Variants in SUSD1 observed in about 807,000 individuals in gnomAD.
The protein encoded by SUSD1 is sushi domain-containing protein 1.
A neutral mutation model predicts 86.9 loss-of-function variants in SUSD1; 65 were observed. The observed-to-expected ratio is 0.75, with a 90% CI of 0.61 to 0.92. The LOEUF (loss-of-function observed/expected upper bound fraction) is 0.92, where lower values mean the gene tolerates loss of function less well. Ranked by LOEUF, SUSD1 falls within the 40% of genes least tolerant of loss-of-function variation. The pLI, the probability that SUSD1 is intolerant of heterozygous loss-of-function variation, is 0.00. For missense variants in SUSD1, 850 were observed against 929.7 expected, an observed-to-expected ratio of 0.91 and a Z score of 1.11; for synonymous variants, 346 against 350.0, an observed-to-expected ratio of 0.99 and a Z score of 0.13.
chr9:112,137,505 T>C (rs1289320093), intron 5 of SUSD1, among the ~76,000 whole-genome samples: 1 of 152,210 alleles, frequency 6.6e-6, no homozygotes, highest in African/African-American at 2.4e-5. Flanking sequence ...CGTTCTTTGA[T>C]AGGCACTATG....
At chr9:112,058,337 T>C in intron 14 of SUSD1, 91 bp downstream of exon 14, 1 of 1,462,988 alleles carries the variant, frequency 6.8e-7, no homozygotes. Flanking sequence ...GCAGTGACCC[T>C]CTCATATACT....
chr9:112,100,331 T>C lies in SUSD1; in HGVS notation c.1282-1669A>G, dbSNP rs914090765. Among the ~76,000 whole-genome samples, 5 of 152,040 alleles carry C rather than the reference T, an allele frequency of 3.3e-5. 1 individual carries two copies. Among genetic ancestry groups the C allele is most frequent in the Admixed American group, 3.3e-4 (5 of 15,284 alleles). On this transcript the variant is annotated intron_variant, in intron 9 of 16. Coordinates refer to ENST00000374270, the MANE Select transcript of SUSD1 (RefSeq NM_022486.5). Reference sequence around the variant, plus strand: ...CCTCCCAAGTAGCTGGGACTACAGGTGCCCGCCACCACGCCTGGCTAATTT... The same window carrying C: ...CCTCCCAAGTAGCTGGGACTACAGGCGCCCGCCACCACGCCTGGCTAATTT...
chr9:112,164,709 C>T (rs1589752280), intron 1 of SUSD1, among the ~76,000 whole-genome samples: 1 of 152,170 alleles, frequency 6.6e-6, no homozygotes, highest in African/African-American at 2.4e-5. Flanking sequence ...CTTTGGGAGG[C>T]TGAGGCAGGC....
At chr9:112,143,663 AG>A (rs1438952308) in intron 3 of SUSD1, 40 bp from the exon 4 acceptor site, 2 of 1,543,022 alleles carry the variant, frequency 1.3e-6, no homozygotes, top group Non-Finnish European at 8.7e-7. Flanking sequence ...AGATAAAAAC[AG>A]AAAAAAGAAA....
chr9:112,100,511 A>G (rs1391614617), intron 9 of SUSD1, among the ~76,000 whole-genome samples: 1 of 151,988 alleles, frequency 6.6e-6, no homozygotes, highest in Admixed American at 6.6e-5. Context: ...TCTATGACTC[A>G]GTATAACAGT....
intron 10 of SUSD1, among the ~76,000 whole-genome samples, chr9:112,080,622 G>A (rs1397783194): frequency 2.0e-5 from 3 of 151,516 alleles, no homozygotes; most frequent in Non-Finnish European, 4.4e-5. Context: ...TGGGAGGCGG[G>A]GGTTGCAGTC....
intron 4 of SUSD1, 34 bp downstream of exon 4, chr9:112,143,437 C>G: frequency 1.2e-6 from 2 of 1,606,128 alleles, no homozygotes; most frequent in Non-Finnish European, 1.7e-6. Context: ...CAGAATTTCA[C>G]GTTGAGATGC....
chr9:112,069,266 A>G (rs1020784794), intron 12 of SUSD1, among the ~76,000 whole-genome samples: 4 of 152,124 alleles, frequency 2.6e-5, no homozygotes, highest in African/African-American at 9.7e-5. Context: ...AGACACTGCA[A>G]TATAGATCAT....
At chr9:112,153,011 A>G (rs187370087) in intron 2 of SUSD1, among the ~76,000 whole-genome samples, 8 of 152,198 alleles carry the variant, frequency 5.3e-5, no homozygotes, top group Admixed American at 5.2e-4. Context: ...TGCATCTGTA[A>G]TCTCAGCACT....
intron 2 of SUSD1, among the ~76,000 whole-genome samples, 177 bp downstream of exon 2, chr9:112,157,323 G>A (rs554338601): frequency 8.5e-5 from 13 of 152,318 alleles, no homozygotes; most frequent in African/African-American, 3.1e-4. Flanking sequence ...GGAAACACTA[G>A]AGAAAGAATG....
At chr9:112,119,089 T>G (rs1831447999) in intron 6 of SUSD1, among the ~76,000 whole-genome samples, 4 of 152,196 alleles carry the variant, frequency 2.6e-5, no homozygotes, top group Admixed American at 2.6e-4. Context: ...AATTATTGAG[T>G]GACCATGTAA....
At chr9:112,095,625 A>T (rs1162301847) in intron 10 of SUSD1, among the ~76,000 whole-genome samples, 1 of 152,220 alleles carries the variant, frequency 6.6e-6, no homozygotes, top group Non-Finnish European at 1.5e-5. Flanking sequence ...TGGGAGACAA[A>T]AGGGAAAATC....
chr9:112,088,059 G>A (rs1251599578), intron 10 of SUSD1, among the ~76,000 whole-genome samples: 3 of 152,230 alleles, frequency 2.0e-5, no homozygotes, highest in Non-Finnish European at 4.4e-5. Context: ...AGCAAGGCAA[G>A]AAAAGAACTG....
intron 5 of SUSD1, among the ~76,000 whole-genome samples, chr9:112,128,846 T>C (rs1308917836): frequency 6.6e-6 from 1 of 152,128 alleles, no homozygotes; most frequent in Non-Finnish European, 1.5e-5. Context: ...GCAACCTGCA[T>C]GGCAGGAGCC....
In SUSD1 at chr9:112,041,933, G is replaced by A. The variant is rs777139490; in HGVS notation, c.2177C>T (p.Ala726Val). The change falls in exon 16 of 17, where the codon GCG becomes GTG. Residue 726 changes from alanine to valine, a missense_variant. By Grantham distance (64) the Ala-to-Val change is moderately conservative (BLOSUM62 0). Coordinates refer to ENST00000374270, the MANE Select transcript of SUSD1 (RefSeq NM_022486.5). ...AGCCAGGGAACCCAGTCCAACACCCGCCATCTGCAGCAGCATGAGTGACGA... is the reference window on the plus strand; with the variant it reads ...AGCCAGGGAACCCAGTCCAACACCCACCATCTGCAGCAGCATGAGTGACGA... ...KDSSLMLLQM[A>V]GVGLGSLAVV... 2.0e-5 allele frequency: 33 copies of A among 1,613,790 alleles called. No individual in the cohort carries two copies. The highest frequency in any genetic ancestry group is 3.3e-4 in the Middle Eastern group (2 of 6,084).
intron 5 of SUSD1, among the ~76,000 whole-genome samples, chr9:112,129,112 A>G (rs1261635225): frequency 6.6e-6 from 1 of 152,044 alleles, no homozygotes; most frequent in Non-Finnish European, 1.5e-5. Context: ...CAACAGAGAG[A>G]TGATAGGGTC....
intron 5 of SUSD1, among the ~76,000 whole-genome samples, chr9:112,125,201 G>T (rs1244190359): frequency 6.6e-6 from 1 of 152,088 alleles, no homozygotes; most frequent in Non-Finnish European, 1.5e-5. Flanking sequence ...AGGGCAGACA[G>T]GTTTTACAGA....
At chr9:112,101,377 A>T (rs1055909475) in intron 9 of SUSD1, among the ~76,000 whole-genome samples, 13 of 152,188 alleles carry the variant, frequency 8.5e-5, no homozygotes, top group African/African-American at 1.7e-4. Flanking sequence ...AGAAAAAAAA[A>T]TTTTTTTAAT....
At chr9:112,158,163 C>T (rs1379718612) in intron 1 of SUSD1, among the ~76,000 whole-genome samples, 2 of 152,044 alleles carry the variant, frequency 1.3e-5, no homozygotes, top group African/African-American at 4.8e-5. Context: ...AGACATACTC[C>T]TCCAGCCTCA....
Sources: allele counts gnomAD v4.1 joint callset (sites outside exome capture counted in the v4.1 genomes callset), GRCh38; gene constraint gnomAD v4.1.1; transcripts MANE v1.5; gene names NCBI Gene and HGNC (gene_info 2026-07-23, HGNC 2026-07-21).